The following ZC3H7A variants were observed in gnomAD, a reference collection of about 807,000 sequenced individuals.
The protein encoded by ZC3H7A is zinc finger CCCH domain-containing protein 7A.
Under a neutral mutation model 125.5 loss-of-function variants are expected in ZC3H7A, and 44 were observed. The observed-to-expected ratio is 0.35, with a 90% CI of 0.28 to 0.45. The LOEUF (loss-of-function observed/expected upper bound fraction) is 0.45, where lower values mean the gene tolerates loss of function less well. Among genes scored for constraint, ZC3H7A ranks in the 20% least tolerant of loss-of-function variants. ZC3H7A has a pLI of 1.00. For missense variants in ZC3H7A, 977 were observed against 1,170.7 expected (o/e 0.83, Z 2.41); for synonymous variants, 399 against 391.2 (o/e 1.02, Z -0.23).
At chr16:11,756,807 T>A (rs2052656697) in intron 20 of ZC3H7A, among the ~76,000 whole-genome samples, 1 of 152,030 alleles carries the variant, frequency 6.6e-6, no homozygotes, top group South Asian at 2.1e-4. Context: ...CTGAGAAAGA[T>A]GAGAAACATA....
At chr16:11,768,630 CTT>C in intron 11 of ZC3H7A, 129 bp from the exon 12 acceptor site, 1 of 774,196 alleles carries the variant, frequency 1.3e-6, no homozygotes, top group Admixed American at 3.8e-5. Flanking sequence ...CTACTCCATC[CTT>C]AATGCTCTTC....
chr16:11,778,205 G>A (rs2053114810), intron 4 of ZC3H7A, among the ~76,000 whole-genome samples: 1 of 151,924 alleles, frequency 6.6e-6, no homozygotes, highest in Admixed American at 6.6e-5. Flanking sequence ...GGGAGGCTGA[G>A]GCGGGCAGAT....
intron 1 of ZC3H7A, among the ~76,000 whole-genome samples, chr16:11,788,616 CTTT>C (rs1456172023): frequency 2.1e-5 from 3 of 141,520 alleles, no homozygotes; most frequent in Non-Finnish European, 1.6e-5. Context: ...TTTTTTCTTT[CTTT>C]TTTTTTTTTT....
rs772631148 is a variant in ZC3H7A, at chr16:11,774,241, C to A, written c.898G>T (p.Val300Phe). Residue 300 changes from valine (V) to phenylalanine (F), a missense_variant, in exon 9 of 23, where the codon GTT becomes TTT. Around this residue, in one of 3 missense-constraint regions of ZC3H7A, gnomAD observed 342 missense variants for 311.3 expected, o/e 1.10. Transcript: ENST00000355758. ...LDSAPETNETVMPSALVRGPL... is the reference protein window; with the variant it reads ...LDSAPETNETFMPSALVRGPL... ...TGAGTAACACTGAAACTTACCATAA[C>A]AGTTTCATTAGTTTCAGGTGCAGAA... 10 of 1,577,686 alleles carry A rather than the reference C, an allele frequency of 6.3e-6. No individual in the cohort carries two copies. The highest frequency in any genetic ancestry group is 2.7e-5 in the African/African-American group (2 of 74,040).
At chr16:11,784,616 A>G (rs1424053527) in intron 1 of ZC3H7A, among the ~76,000 whole-genome samples, 1 of 152,062 alleles carries the variant, frequency 6.6e-6, no homozygotes, top group Non-Finnish European at 1.5e-5. Context: ...GCACTTTGAG[A>G]GGCCGAGGCG....
At chr16:11,756,066 G>T (rs28716116) in intron 21 of ZC3H7A, among the ~76,000 whole-genome samples, 171 bp downstream of exon 21, 6,932 of 152,176 alleles carry the variant, frequency 0.046, 554 homozygotes, top group African/African-American at 0.16. Context: ...GGGAGGCTGA[G>T]GCAAGAGAAT....
chr16:11,784,939 A>G lies in ZC3H7A; in HGVS notation c.-34-2551T>C, dbSNP rs1301123659. 1.8e-4 allele frequency among the ~76,000 whole-genome samples: 28 copies of G among 151,402 alleles called. 1 individual carries two copies. The highest frequency in any genetic ancestry group is 1.8e-3 in the Admixed American group (27 of 15,176). On this transcript the variant is annotated intron_variant, in intron 1 of 22. Transcript: ENST00000355758. Reference sequence around the variant, plus strand: ...TTTGGGAGGCTGAGGTGGGCAGATCACCTGAGGTCAGGAGTTCCAGACCAG... The same window carrying G: ...TTTGGGAGGCTGAGGTGGGCAGATCGCCTGAGGTCAGGAGTTCCAGACCAG...
chr16:11,772,448 A>T (rs186207599), intron 9 of ZC3H7A, among the ~76,000 whole-genome samples: 1 of 151,858 alleles, frequency 6.6e-6, no homozygotes, highest in Admixed American at 6.5e-5. Context: ...TGGTTCTTAA[A>T]ACAGCTCTCT....
At chr16:11,789,972 T>G (rs933409679) in intron 1 of ZC3H7A, among the ~76,000 whole-genome samples, 3 of 147,858 alleles carry the variant, frequency 2.0e-5, no homozygotes, top group Non-Finnish European at 4.4e-5. Context: ...TCCCAGCTAC[T>G]CGAGACGCTA....
intron 1 of ZC3H7A, among the ~76,000 whole-genome samples, chr16:11,788,782 T>G (rs1015832637): frequency 9.9e-5 from 15 of 151,730 alleles, no homozygotes; most frequent in Non-Finnish European, 1.9e-4. Flanking sequence ...CCCAGCTAAT[T>G]TTTGTATTTT....
intron 19 of ZC3H7A, chr16:11,758,779 C>A: frequency 2.4e-6 from 1 of 423,688 alleles, no homozygotes; most frequent in Non-Finnish European, 4.2e-6. Context: ...AAGCATGGAA[C>A]ATTTTCTTAC....
At position 11,774,341 on chromosome 16, in the gene ZC3H7A, C is replaced by A. The variant is rs1409442908; in HGVS notation, c.798G>T (p.Met266Ile). ...GAAAAGCTTCTGGCATAGTGAAGGG[C>A]ATCTTTCCTCCATTTGCCAGCACTG... ...PSAVLANGGK[M>I]PFTMPEAFLD... Residue 266 changes from methionine (M) to isoleucine (I), a missense_variant, in exon 9 of 23, where the codon ATG becomes ATT. Met to Ile is a conservative substitution (Grantham distance 10, BLOSUM62 1). Around this residue, in one of 3 missense-constraint regions of ZC3H7A, gnomAD observed 342 missense variants for 311.3 expected, o/e 1.10. Coordinates refer to ENST00000355758, the MANE Select transcript of ZC3H7A (RefSeq NM_014153.4). 4 of 1,614,052 alleles carry A rather than the reference C, an allele frequency of 2.5e-6. No homozygotes were observed. The highest frequency in any genetic ancestry group is 3.4e-6 in the Non-Finnish European group (4 of 1,179,956).
Position 11,781,533 on chromosome 16 carries a change from T to C in ZC3H7A, c.69-69A>G, listed in dbSNP as rs1180653133. Reference sequence around the variant, plus strand: ...TCGGGACCTGTTCAGCCAGAAGTCATCTTAAATCTGTGGTTCCATTAGCTT... The same window carrying C: ...TCGGGACCTGTTCAGCCAGAAGTCACCTTAAATCTGTGGTTCCATTAGCTT... On this transcript the variant is annotated intron_variant, in intron 2 of 22. Transcript: ENST00000355758. 1.1e-5 allele frequency: 17 copies of C among 1,541,642 alleles called. 2 individuals carry two copies. In the South Asian group the frequency reaches 2.0e-4, roughly 18 times the overall value.
Position 11,765,643 on chromosome 16 carries a change from G to A in ZC3H7A, c.1565C>T (p.Thr522Met), listed in dbSNP as rs1780853314. The A allele has an allele frequency of 4.3e-6, 7 of 1,613,556 alleles. No homozygotes were observed. The highest frequency in any genetic ancestry group is 1.6e-4 in the Middle Eastern group (1 of 6,084). ...TATCTCCTCTTGGCAATAAGCAAACGTGCAGTGGCCTGAATATCTACATTC... is the reference window on the plus strand; with the variant it reads ...TATCTCCTCTTGGCAATAAGCAAACATGCAGTGGCCTGAATATCTACATTC... ...EEECRYSGHC[T>M]FAYCQEEIDV... is the part of the protein sequence containing the mutation. The change falls in exon 14 of 23, where the codon ACG becomes ATG. Residue 522 changes from threonine to methionine, a missense_variant. Coordinates refer to ENST00000355758, the MANE Select transcript of ZC3H7A (RefSeq NM_014153.4). This position sits in a 1 kb window ranked among gnomAD's most constrained non-coding sequence, Gnocchi z 4.8.
At chr16:11,758,223 C>G (rs572875428) in intron 20 of ZC3H7A, among the ~76,000 whole-genome samples, 164 of 152,326 alleles carry the variant, frequency 1.1e-3, no homozygotes, top group African/African-American at 3.7e-3. Context: ...TCTGACCTAA[C>G]CAAACACAGA....
At position 11,765,576 on chromosome 16, in the gene ZC3H7A, C is replaced by A; in HGVS notation, c.1632G>T (p.Glu544Asp). 6.2e-7 allele frequency: 1 copy of A among 1,614,160 alleles called. No individual in the cohort carries two copies. Among genetic ancestry groups the A allele is most frequent in the Non-Finnish European group, 8.5e-7 (1 of 1,180,020 alleles). ...TCTTTCCATTGCCGCCAAAGAAAGC[C>A]TCCCGGCTGAATGCTCCTTTCCGCT... ...TLERKGAFSREAFFGGNGKIN... is the reference protein window; with the variant it reads ...TLERKGAFSRDAFFGGNGKIN... The change falls in exon 14 of 23, where the codon GAG becomes GAT. Residue 544 changes from glutamate to aspartate, a missense_variant. Glu to Asp is a conservative substitution (Grantham distance 45). Around this residue, in one of 3 missense-constraint regions of ZC3H7A, gnomAD observed 436 missense variants for 603.2 expected, o/e 0.72. Transcript: ENST00000355758. The surrounding 1 kb of genome is among the most constrained non-coding windows in gnomAD (Gnocchi z 4.8).
chr16:11,767,375 CA>C, intron 13 of ZC3H7A, 41 bp downstream of exon 13: 1 of 1,365,032 alleles, frequency 7.3e-7, no homozygotes. Flanking sequence ...TGTAGTTCAT[CA>C]CTTATGTAAT....
At position 11,769,784 on chromosome 16, in the gene ZC3H7A, CTTTT is replaced by C. The variant is rs200241879; in HGVS notation, c.1109-693_1109-690del. 4.4e-3 allele frequency among the ~76,000 whole-genome samples: 270 copies of C among 61,604 alleles called. 4 individuals are homozygous for C. Among genetic ancestry groups the C allele is most frequent in the African/African-American group, 0.024 (248 of 10,262 alleles). The allele number at this position is 61,604 out of a possible 152,430, so 40.4% of individuals were successfully genotyped here. A position where few individuals can be genotyped will look rare whatever the true frequency, so the allele number is the denominator to read the frequency against. ...AATCAGTAAAGTTTTCAATTGCTTT[CTTTT>C]TTTTTTTTTTTTTTTTTTTGAGAAA... On this transcript the variant is annotated intron_variant, in intron 10 of 22. Transcript: ENST00000355758.
intron 1 of ZC3H7A, among the ~76,000 whole-genome samples, chr16:11,793,118 A>T (rs1206767896): frequency 2.0e-5 from 3 of 152,194 alleles, no homozygotes; most frequent in African/African-American, 7.2e-5. Flanking sequence ...AAATAATATT[A>T]AAACAGCCTT....
Sources: allele counts gnomAD v4.1 joint callset (sites outside exome capture counted in the v4.1 genomes callset), GRCh38; gene constraint gnomAD v4.1.1; regional missense constraint gnomAD v4.1.1; non-coding constraint Gnocchi (gnomAD v3.1); transcripts MANE v1.5; gene names NCBI Gene and HGNC (gene_info 2026-07-23, HGNC 2026-07-21).